Variants in PAH observed in about 807,000 individuals in gnomAD.
PAH encodes phenylalanine hydroxylase.
Under a neutral mutation model 62.0 loss-of-function variants are expected in PAH, and 64 were observed. The ratio of observed to expected loss-of-function variants is 1.03; its 90% CI spans 0.84 to 1.27. The LOEUF is 1.27. Ranked by LOEUF, PAH falls within the 50% of genes most tolerant of loss-of-function variation. PAH has a pLI of 0.00. For synonymous variants in PAH, 195 were observed against 196.2 expected (o/e 0.99, Z 0.05); for missense variants, 579 against 542.8 (o/e 1.07, Z -0.66).
chr12:102,927,280 G>GTTTTTT (rs34781084), intron 1 of PAH, among the ~76,000 whole-genome samples: 1 of 129,202 alleles, frequency 7.7e-6, no homozygotes, highest in Non-Finnish European at 1.7e-5. Context: ...CTTCAAAAAA[G>GTTTTTT]TTTTTTTTTT....
chr12:102,939,987 C>T (rs533818400), intron 1 of PAH, among the ~76,000 whole-genome samples: 2 of 152,278 alleles, frequency 1.3e-5, no homozygotes, highest in Admixed American at 6.5e-5. Context: ...ACAGAGGAGC[C>T]ATGCAACTGA....
At chr12:102,914,941 G>A (rs1039643068) in intron 1 of PAH, among the ~76,000 whole-genome samples, 9 of 152,082 alleles carry the variant, frequency 5.9e-5, no homozygotes, top group African/African-American at 2.2e-4. Flanking sequence ...TTTCTTAGTG[G>A]CCTGCATCGA....
chr12:102,945,423 A>T (rs1879457838), intron 1 of PAH, among the ~76,000 whole-genome samples: 1 of 152,206 alleles, frequency 6.6e-6, no homozygotes, highest in Non-Finnish European at 1.5e-5. Flanking sequence ...TAACTCTTCA[A>T]CATCCAGGTG....
At chr12:102,905,756 C>CCT (rs1877949840) in intron 2 of PAH, among the ~76,000 whole-genome samples, 1 of 151,888 alleles carries the variant, frequency 6.6e-6, no homozygotes, top group Non-Finnish European at 1.5e-5. Context: ...AGCAAGAACC[C>CCT]CTTCCCGGGC....
chr12:102,839,363 A>G, intron 12 of PAH, 145 bp from the exon 13 acceptor site: 1 of 742,742 alleles, frequency 1.3e-6, no homozygotes, highest in East Asian at 2.6e-5. Context: ...TTACAGCCTC[A>G]TTATGGTATA....
intron 5 of PAH, among the ~76,000 whole-genome samples, chr12:102,858,813 C>T (rs1408082157): frequency 6.6e-6 from 1 of 152,190 alleles, no homozygotes; most frequent in African/African-American, 2.4e-5. Flanking sequence ...CTCTGGGACA[C>T]ATTTAAGGCA....
chr12:102,897,048 T>C (rs1195762493), intron 2 of PAH, among the ~76,000 whole-genome samples: 3 of 152,192 alleles, frequency 2.0e-5, no homozygotes, highest in Admixed American at 2.0e-4. Context: ...CGGTCAGCAA[T>C]ATACATAAAG....
At chr12:102,890,857 C>A (rs975562486) in intron 3 of PAH, among the ~76,000 whole-genome samples, 1 of 152,026 alleles carries the variant, frequency 6.6e-6, no homozygotes, top group African/African-American at 2.4e-5. Context: ...CCGAGGTGGG[C>A]GGATCACCTG....
chr12:102,882,457 G>T (rs957023182), intron 3 of PAH, among the ~76,000 whole-genome samples: 3 of 151,900 alleles, frequency 2.0e-5, no homozygotes, highest in Non-Finnish European at 4.4e-5. Context: ...GTACTAGAAA[G>T]TATTGCTTTA....
intron 2 of PAH, among the ~76,000 whole-genome samples, chr12:102,908,075 T>A (rs1188482175): frequency 6.6e-6 from 1 of 152,068 alleles, no homozygotes; most frequent in African/African-American, 2.4e-5. Flanking sequence ...CCCAATACAG[T>A]GACCTCTGTT....
chr12:102,872,559 GAAGAGAAA>G (rs1267345628), intron 4 of PAH, among the ~76,000 whole-genome samples: 28 of 152,296 alleles, frequency 1.8e-4, no homozygotes, highest in African/African-American at 6.7e-4. Context: ...TGGGCAAAAG[GAAGAGAAA>G]AGGAGAAAAG....
rs1054069544 is a variant in PAH at position 102,843,907 on chromosome 12, G to A, written c.1066-128C>T. ...ATTCCTTCTACATCACAGCCCAAATGCTGTGAGCCAAATTACTTTGCACAT... is the reference window on the plus strand; with the variant it reads ...ATTCCTTCTACATCACAGCCCAAATACTGTGAGCCAAATTACTTTGCACAT... On this transcript the variant is annotated intron_variant, in intron 10 of 12. Coordinates refer to ENST00000553106, the MANE Select transcript of PAH (RefSeq NM_000277.3). 4.9e-6 allele frequency: 5 copies of A among 1,025,954 alleles called. No individual in the cohort carries two copies. The Admixed American group carries it at 8.7e-5, about 18-fold the overall frequency. 63.6% of individuals were successfully genotyped at this position (1,025,954 alleles called of 1,614,324 possible).
At chr12:102,870,205 T>C (rs1465256821) in intron 4 of PAH, among the ~76,000 whole-genome samples, 1 of 152,224 alleles carries the variant, frequency 6.6e-6, no homozygotes, top group African/African-American at 2.4e-5. Context: ...AGTATTCTTG[T>C]AGACTGAGAT....
intron 1 of PAH, among the ~76,000 whole-genome samples, chr12:102,940,432 A>G (rs1354250928): frequency 1.3e-5 from 2 of 152,230 alleles, no homozygotes; most frequent in African/African-American, 4.8e-5. Flanking sequence ...TAAGGAATTC[A>G]GTAAAATGAT....
chr12:102,890,281 AAG>A (rs1359844424), intron 3 of PAH, among the ~76,000 whole-genome samples: 1 of 152,194 alleles, frequency 6.6e-6, no homozygotes, highest in Non-Finnish European at 1.5e-5. Flanking sequence ...CCACAATAAA[AAG>A]GGCATTTTGT....
intron 3 of PAH, among the ~76,000 whole-genome samples, chr12:102,880,044 C>T (rs1876751430): frequency 6.6e-6 from 1 of 152,136 alleles, no homozygotes; most frequent in South Asian, 2.1e-4. Context: ...TATTATTATC[C>T]CGTTTTACAG....
At chr12:102,858,811 C>T (rs1420464636) in intron 5 of PAH, among the ~76,000 whole-genome samples, 2 of 152,148 alleles carry the variant, frequency 1.3e-5, no homozygotes, top group Non-Finnish European at 2.9e-5. Context: ...ATCTCTGGGA[C>T]ACATTTAAGG....
chr12:102,837,954 T>C lies in PAH; in HGVS notation c.*1221A>G, dbSNP rs1041974120. On this transcript the variant is annotated 3_prime_UTR_variant, in exon 13 of 13. Coordinates refer to ENST00000553106, the MANE Select transcript of PAH (RefSeq NM_000277.3). ...CTGGGAAGGTACCCAGAATTTGCTGTTGATGATACTACAGCTGTTCTGAGA... is the reference window on the plus strand; with the variant it reads ...CTGGGAAGGTACCCAGAATTTGCTGCTGATGATACTACAGCTGTTCTGAGA... The C allele has an allele frequency of 3.9e-5, 6 of 152,222 alleles. No individual in the cohort carries two copies. Among genetic ancestry groups the C allele is most frequent in the African/African-American group, 1.2e-4 (5 of 41,472 alleles). 9.4% of individuals were successfully genotyped at this position (152,222 alleles called of 1,614,324 possible).
intron 9 of PAH, among the ~76,000 whole-genome samples, chr12:102,845,421 G>A (rs1427111797): frequency 6.6e-6 from 1 of 152,234 alleles, no homozygotes. Context: ...AGACTGGGTA[G>A]TGATAGAATC....
Sources: allele counts gnomAD v4.1 joint callset (sites outside exome capture counted in the v4.1 genomes callset), GRCh38; gene constraint gnomAD v4.1.1; transcripts MANE v1.5; gene names NCBI Gene and HGNC (gene_info 2026-07-23, HGNC 2026-07-21).